Variants in XKR4 observed in about 807,000 individuals in gnomAD.
XKR4 encodes XK-related protein 4.
Under a neutral mutation model 53.9 loss-of-function variants are expected in XKR4, and 12 were observed. That is an observed-to-expected ratio of 0.22 (90% confidence interval 0.14 to 0.36). XKR4 has a LOEUF of 0.36. Ranked by LOEUF, XKR4 falls within the 10% of genes least tolerant of loss-of-function variation. The pLI is 1.00. For missense variants in XKR4, 799 were observed against 859.5 expected (o/e 0.93, Z 0.88); for synonymous variants, 354 against 362.4 (o/e 0.98, Z 0.26).
At chr8:55,351,371 C>T (rs1803720421) in intron 1 of XKR4, among the ~76,000 whole-genome samples, 1 of 152,104 alleles carries the variant, frequency 6.6e-6, no homozygotes, top group African/African-American at 2.4e-5. Context: ...AAACCTGTCA[C>T]CAGGATCAGA....
chr8:55,474,780 C>T (rs1225819807), intron 2 of XKR4, among the ~76,000 whole-genome samples: 1 of 152,140 alleles, frequency 6.6e-6, no homozygotes, highest in African/African-American at 2.4e-5. Flanking sequence ...AGGAACCATG[C>T]ACCCAATGCT....
chr8:55,348,126 A>G (rs1425175668), intron 1 of XKR4, among the ~76,000 whole-genome samples: 1 of 152,172 alleles, frequency 6.6e-6, no homozygotes, highest in Non-Finnish European at 1.5e-5. Context: ...AAGCCCAGAT[A>G]CTGATTAACA....
chr8:55,170,988 C>T (rs918519152), intron 1 of XKR4, among the ~76,000 whole-genome samples: 2 of 152,146 alleles, frequency 1.3e-5, no homozygotes, highest in Non-Finnish European at 2.9e-5. Flanking sequence ...GCCAACTCCC[C>T]TGTGGTATTT....
intron 2 of XKR4, among the ~76,000 whole-genome samples, chr8:55,410,552 A>T (rs1468411292): frequency 6.6e-6 from 1 of 152,164 alleles, no homozygotes; most frequent in East Asian, 1.9e-4. Context: ...GCTAGTAACC[A>T]GGGCCCTTTG....
chr8:55,337,549 C>T (rs567059592), intron 1 of XKR4, among the ~76,000 whole-genome samples: 47 of 152,180 alleles, frequency 3.1e-4, no homozygotes, highest in African/African-American at 1.1e-3. Context: ...AGGGTGAAAA[C>T]ATCTAGGAGG....
chr8:55,107,080 T>C (rs770653676), intron 1 of XKR4, among the ~76,000 whole-genome samples: 4 of 152,168 alleles, frequency 2.6e-5, no homozygotes, highest in Non-Finnish European at 5.9e-5. Context: ...CTTGGATAAA[T>C]ATGCCATTCT....
At chr8:55,263,100 G>A (rs1308925302) in intron 1 of XKR4, among the ~76,000 whole-genome samples, 1 of 152,032 alleles carries the variant, frequency 6.6e-6, no homozygotes, top group Non-Finnish European at 1.5e-5. Flanking sequence ...CTCTCCACTG[G>A]GCTTCCTGCC....
At chr8:55,148,273 T>G (rs1373310846) in intron 1 of XKR4, among the ~76,000 whole-genome samples, 1 of 152,108 alleles carries the variant, frequency 6.6e-6, no homozygotes, top group Non-Finnish European at 1.5e-5. Flanking sequence ...AGCGTGGTGG[T>G]GCACACCTGT....
intron 1 of XKR4, among the ~76,000 whole-genome samples, chr8:55,301,911 G>A (rs868439413): frequency 2.6e-5 from 4 of 152,242 alleles, no homozygotes; most frequent in Middle Eastern, 6.8e-3. Flanking sequence ...TGTCAGATAA[G>A]CAGTTTGCAA....
chr8:55,328,296 C>T (rs553599486), intron 1 of XKR4, among the ~76,000 whole-genome samples: 1 of 152,284 alleles, frequency 6.6e-6, no homozygotes, highest in East Asian at 1.9e-4. Context: ...CATAATATTA[C>T]TGAAACAGTA....
chr8:55,359,218 C>T (rs1055559444), intron 2 of XKR4, among the ~76,000 whole-genome samples: 1 of 152,232 alleles, frequency 6.6e-6, no homozygotes, highest in Non-Finnish European at 1.5e-5. Context: ...GACTGTTTTT[C>T]GTTGCGTCTG....
chr8:55,308,207 C>G (rs376527095), intron 1 of XKR4, among the ~76,000 whole-genome samples: 1 of 152,060 alleles, frequency 6.6e-6, no homozygotes, highest in Non-Finnish European at 1.5e-5. Flanking sequence ...GAGCCGAGAT[C>G]GTGCCATTGT....
chr8:55,291,214 C>T (rs1819013560), intron 1 of XKR4, among the ~76,000 whole-genome samples: 1 of 152,022 alleles, frequency 6.6e-6, no homozygotes, highest in South Asian at 2.1e-4. Context: ...ATATTCTTTT[C>T]CATTATCTCT....
intron 1 of XKR4, among the ~76,000 whole-genome samples, chr8:55,186,234 T>A (rs766300104): frequency 2.0e-5 from 3 of 152,218 alleles, no homozygotes; most frequent in Non-Finnish European, 4.4e-5. Context: ...AATAATAGTT[T>A]AGATTTAAAA....
intron 1 of XKR4, among the ~76,000 whole-genome samples, chr8:55,260,525 G>T (rs1339925833): frequency 1.3e-5 from 2 of 152,176 alleles, no homozygotes; most frequent in African/African-American, 4.8e-5. Flanking sequence ...ATGGAGTGAG[G>T]TTTAGAGTGC....
At chr8:55,177,828 C>A (rs542396297) in intron 1 of XKR4, among the ~76,000 whole-genome samples, 1 of 152,194 alleles carries the variant, frequency 6.6e-6, no homozygotes, top group African/African-American at 2.4e-5. Context: ...CTCCTGAAAG[C>A]TATTTTTTTT....
intron 2 of XKR4, among the ~76,000 whole-genome samples, chr8:55,503,099 G>T (rs1806469605): frequency 6.6e-6 from 1 of 151,984 alleles, no homozygotes; most frequent in South Asian, 2.1e-4. Context: ...TTTGATTACT[G>T]TAGCTTTGTA....
chr8:55,266,686 T>A (rs1424073917), intron 1 of XKR4, among the ~76,000 whole-genome samples: 1 of 152,110 alleles, frequency 6.6e-6, no homozygotes, highest in Non-Finnish European at 1.5e-5. Flanking sequence ...GGCATGGCTG[T>A]GTTTTGCTGT....
intron 2 of XKR4, among the ~76,000 whole-genome samples, chr8:55,478,381 A>C (rs1485337904): frequency 6.6e-6 from 1 of 152,060 alleles, no homozygotes; most frequent in Admixed American, 6.6e-5. Context: ...GCCTGCCCTA[A>C]AAGAGCTCCT....
Sources: gnomAD v4.1 joint callset for allele counts (sites outside exome capture counted in the v4.1 genomes callset) on GRCh38, gnomAD v4.1.1 for gene constraint, MANE v1.5 for transcripts, NCBI Gene and HGNC (gene_info 2026-07-23, HGNC 2026-07-21) for gene names.